Variants in PTPRN2 observed in about 807,000 individuals in gnomAD.
PTPRN2 encodes the protein protein tyrosine phosphatase receptor type N2.
A neutral mutation model predicts 118.8 loss-of-function variants in PTPRN2; 74 were observed. The ratio of observed to expected loss-of-function variants is 0.62; its 90% CI spans 0.52 to 0.76. PTPRN2 has a LOEUF of 0.76. PTPRN2 is among the 30% of genes least tolerant of loss of function. PTPRN2 has a pLI of 0.00. For synonymous variants in PTPRN2, 641 were observed against 608.0 expected (o/e 1.05, Z -0.80); for missense variants, 1,481 against 1,394.4 (o/e 1.06, Z -0.99).
intron 11 of PTPRN2, among the ~76,000 whole-genome samples, chr7:157,982,501 A>C (rs1244989677): frequency 1.9e-5 from 2 of 106,650 alleles, no homozygotes; most frequent in Admixed American, 9.4e-5. Context: ...TGCAGAGTGC[A>C]GGGTCCCCCC....
intron 3 of PTPRN2, among the ~76,000 whole-genome samples, chr7:158,262,903 AACATTCACACTGCACAC>A (rs1383776849): frequency 2.2e-5 from 3 of 138,492 alleles, no homozygotes; most frequent in African/African-American, 8.3e-5. Context: ...ACACACTGCA[AACATTCACACTGCACAC>A]ACATTCACAC....
intron 6 of PTPRN2, among the ~76,000 whole-genome samples, chr7:158,144,569 G>A (rs1037709042): frequency 6.6e-6 from 1 of 152,196 alleles, no homozygotes; most frequent in African/African-American, 2.4e-5. Flanking sequence ...AACCTTGGGG[G>A]TGGAGGTTGC....
Position 158,171,266 on chromosome 7 carries a change from CACAT to C in PTPRN2, c.550-3979_550-3976del, listed in dbSNP as rs1823610014. 2.3e-5 allele frequency among the ~76,000 whole-genome samples: 2 copies of C among 88,480 alleles called. 1 individual carries two copies. The highest frequency in any genetic ancestry group is 0.014 in the Middle Eastern group (2 of 142). 58.0% of individuals were successfully genotyped at this position (88,480 alleles called of 152,430 possible). A position where few individuals can be genotyped will look rare whatever the true frequency, so the allele number is the denominator to read the frequency against. ...ACATATATACACACATATATATACA[CACAT>C]ATATACACACATATATATACACACA... On this transcript the variant is annotated intron_variant, in intron 5 of 22. Transcript: ENST00000389418.
At chr7:158,249,248 C>T (rs1796494232) in intron 3 of PTPRN2, among the ~76,000 whole-genome samples, 1 of 151,226 alleles carries the variant, frequency 6.6e-6, no homozygotes, top group South Asian at 2.1e-4. Context: ...TACCACACAT[C>T]CTGCATGCAC....
intron 2 of PTPRN2, among the ~76,000 whole-genome samples, chr7:158,329,317 C>T (rs750312267): frequency 1.3e-5 from 2 of 152,192 alleles, no homozygotes; most frequent in Non-Finnish European, 2.9e-5. Flanking sequence ...GGAGCACCAG[C>T]GCGCCCAGCA....
intron 2 of PTPRN2, among the ~76,000 whole-genome samples, chr7:158,390,234 C>T (rs1811821570): frequency 6.6e-6 from 1 of 152,180 alleles, no homozygotes; most frequent in Admixed American, 6.5e-5. Flanking sequence ...CATGGTCACA[C>T]AGCTCAGTGG....
chr7:157,806,159 A>C (rs1404385046), intron 12 of PTPRN2, among the ~76,000 whole-genome samples: 1 of 152,204 alleles, frequency 6.6e-6, no homozygotes, highest in Admixed American at 6.5e-5. Context: ...GAAGTGTCTC[A>C]AATTTTGCAT....
intron 11 of PTPRN2, among the ~76,000 whole-genome samples, chr7:157,913,148 T>A (rs1004468599): frequency 5.3e-5 from 8 of 152,240 alleles, no homozygotes; most frequent in Non-Finnish European, 1.0e-4. Flanking sequence ...AACATATGTA[T>A]ATATTCCCGG....
chr7:158,318,188 C>G (rs1802507983), intron 2 of PTPRN2, among the ~76,000 whole-genome samples: 1 of 152,134 alleles, frequency 6.6e-6, no homozygotes, highest in Non-Finnish European at 1.5e-5. Context: ...GCACCACAGG[C>G]GGGAACACAG....
At chr7:157,732,035 G>A (rs1445841394) in intron 12 of PTPRN2, among the ~76,000 whole-genome samples, 2 of 71,282 alleles carry the variant, frequency 2.8e-5, no homozygotes, top group Non-Finnish European at 5.7e-5. Flanking sequence ...ACCCTTTTCC[G>A]CCCCATGGCC....
chr7:158,100,969 A>G (rs1330710706), intron 10 of PTPRN2, among the ~76,000 whole-genome samples: 1 of 152,172 alleles, frequency 6.6e-6, no homozygotes, highest in Non-Finnish European at 1.5e-5. Context: ...TACAAATTCA[A>G]TCCAATCCCC....
chr7:158,178,373 C>T (rs1366790160), intron 5 of PTPRN2, among the ~76,000 whole-genome samples: 2 of 152,032 alleles, frequency 1.3e-5, no homozygotes, highest in African/African-American at 2.4e-5. Flanking sequence ...TTCTGAGTCT[C>T]CAAAGTCCAT....
chr7:158,521,194 C>G (rs1376572579), intron 1 of PTPRN2, among the ~76,000 whole-genome samples: 1 of 151,966 alleles, frequency 6.6e-6, no homozygotes, highest in Non-Finnish European at 1.5e-5. Flanking sequence ...TTTTTTTCCC[C>G]AGTACTTTCA....
At chr7:158,255,040 C>A (rs1290311675) in intron 3 of PTPRN2, among the ~76,000 whole-genome samples, 1 of 152,226 alleles carries the variant, frequency 6.6e-6, no homozygotes, top group African/African-American at 2.4e-5. Flanking sequence ...TCCCTGCTCA[C>A]CCACGTCCAG....
chr7:158,513,569 T>C (rs145104201), intron 1 of PTPRN2, among the ~76,000 whole-genome samples: 1 of 152,368 alleles, frequency 6.6e-6, no homozygotes, highest in African/African-American at 2.4e-5. Flanking sequence ...CTCTCTGTTC[T>C]ACCTTCAGTT....
At chr7:157,732,122 T>C (rs372733043) in intron 12 of PTPRN2, among the ~76,000 whole-genome samples, 1,046 of 5,904 alleles carry the variant, frequency 0.18, 11 homozygotes, top group African/African-American at 0.22. Flanking sequence ...GCACAGTTAC[T>C]CTTTTCCGCC....
At chr7:157,557,408 TCA>T (rs1369495658) in intron 21 of PTPRN2, among the ~76,000 whole-genome samples, 1 of 151,364 alleles carries the variant, frequency 6.6e-6, no homozygotes, top group Non-Finnish European at 1.5e-5. Context: ...CACAGAACAC[TCA>T]CAGCTCACAC....
In PTPRN2 at chr7:157,539,691, C is replaced by T. The variant is rs1289009505; in HGVS notation, c.*1023G>A. 1 of 130,656 alleles carries T rather than the reference C, an allele frequency of 7.7e-6. No individual in the cohort carries two copies. 8.1% of individuals were successfully genotyped at this position (130,656 alleles called of 1,614,324 possible). A position where few individuals can be genotyped will look rare whatever the true frequency, so the allele number is the denominator to read the frequency against. ...CAGGCTCTACGCAGTGCGTGCAGGT[C>T]GCCCTGATCTCCTCTCCCGGGAGGG... is the stretch of plus-strand genomic sequence containing the variant. On this transcript the variant is annotated 3_prime_UTR_variant, in exon 23 of 23. Coordinates refer to ENST00000389418, the MANE Select transcript of PTPRN2 (RefSeq NM_002847.5).
intron 1 of PTPRN2, among the ~76,000 whole-genome samples, chr7:158,543,219 G>A (rs892563407): frequency 2.0e-5 from 3 of 152,190 alleles, no homozygotes; most frequent in African/African-American, 4.8e-5. Context: ...CCCCGAGCAC[G>A]GAGCTCACCT....
Sources: allele counts gnomAD v4.1 joint callset (sites outside exome capture counted in the v4.1 genomes callset), GRCh38; gene constraint gnomAD v4.1.1; transcripts MANE v1.5; gene names NCBI Gene and HGNC (gene_info 2026-07-23, HGNC 2026-07-21).